Variants in CSTPP1 observed in about 807,000 individuals in gnomAD.
CSTPP1 encodes UPF0705 protein C11orf49.
At chr11:46,936,800 C>G in the CSTPP1 span, 19 of 1,610,510 alleles carry the variant, frequency 1.2e-5, no homozygotes, top group South Asian at 2.0e-4. Context: ...CCACCCCGGT[C>G]AAAGGATGCT....
chr11:47,089,329 A>G, the CSTPP1 span, among the ~76,000 whole-genome samples: 1 of 152,092 alleles, frequency 6.6e-6, no homozygotes, highest in Non-Finnish European at 1.5e-5. Flanking sequence ...GTATATATAT[A>G]TTTATATATG....
the CSTPP1 span, among the ~76,000 whole-genome samples, chr11:47,011,096 G>A: frequency 1.3e-5 from 2 of 152,110 alleles, no homozygotes; most frequent in Non-Finnish European, 2.9e-5. Context: ...TTTTTAAGTG[G>A]TGAGAGAAGT....
the CSTPP1 span, among the ~76,000 whole-genome samples, chr11:46,944,709 G>A: frequency 6.6e-6 from 1 of 152,076 alleles, no homozygotes; most frequent in Admixed American, 6.5e-5. Context: ...CCTAAAGGAG[G>A]GATAATAATT....
the CSTPP1 span, among the ~76,000 whole-genome samples, chr11:47,080,221 C>T: frequency 2.8e-4 from 42 of 151,982 alleles, no homozygotes; most frequent in African/African-American, 9.6e-4. Flanking sequence ...TTGGGGAGGC[C>T]GAGGCAGGCG....
the CSTPP1 span, chr11:47,052,382 T>C: frequency 6.8e-6 from 11 of 1,609,752 alleles, no homozygotes; most frequent in South Asian, 4.5e-5. Context: ...ACTTTTCTCT[T>C]TGCAGTTTTA....
chr11:46,997,938 G>T, the CSTPP1 span, among the ~76,000 whole-genome samples: 2 of 152,290 alleles, frequency 1.3e-5, no homozygotes, highest in South Asian at 4.1e-4. Context: ...TCTCAGAGGG[G>T]CACCCAGCCG....
At chr11:47,057,403 C>T in the CSTPP1 span, among the ~76,000 whole-genome samples, 1 of 151,996 alleles carries the variant, frequency 6.6e-6, no homozygotes, top group Admixed American at 6.6e-5. Context: ...CACATACATA[C>T]ATATATATAT....
chr11:47,007,321 A>G, the CSTPP1 span, among the ~76,000 whole-genome samples: 2 of 152,096 alleles, frequency 1.3e-5, no homozygotes, highest in African/African-American at 2.4e-5. Context: ...ATGAGCCACC[A>G]TGCCCAGCCC....
the CSTPP1 span, among the ~76,000 whole-genome samples, chr11:47,132,684 C>G: frequency 1.3e-5 from 2 of 152,148 alleles, no homozygotes; most frequent in African/African-American, 2.4e-5. Context: ...GCCCAACTAC[C>G]CTGTGCTGTT....
At chr11:46,987,296 G>T in the CSTPP1 span, 6 of 1,613,800 alleles carry the variant, frequency 3.7e-6, no homozygotes, top group African/African-American at 8.0e-5. Context: ...GAATTGCCAG[G>T]TTCTTCACTG....
At chr11:47,017,654 T>C in the CSTPP1 span, among the ~76,000 whole-genome samples, 2 of 148,042 alleles carry the variant, frequency 1.4e-5, no homozygotes, top group South Asian at 2.2e-4. Context: ...CATGGACTTA[T>C]ACAATATATA....
At chr11:47,107,243 G>T in the CSTPP1 span, among the ~76,000 whole-genome samples, 1 of 152,168 alleles carries the variant, frequency 6.6e-6, no homozygotes, top group Non-Finnish European at 1.5e-5. Flanking sequence ...CAAAGGCTCT[G>T]GATGGTATTA....
chr11:47,155,074 T>C, the CSTPP1 span: 632 of 943,024 alleles, frequency 6.7e-4, 4 homozygotes, highest in African/African-American at 7.8e-3. Context: ...GCTCTCTCTC[T>C]CCCTCTCCCC....
chr11:47,019,499 AT>A, the CSTPP1 span, among the ~76,000 whole-genome samples: 1 of 152,190 alleles, frequency 6.6e-6, no homozygotes, highest in African/African-American at 2.4e-5. Context: ...CTTAGAGGCC[AT>A]TGTAGGGTTA....
At chr11:46,963,078 C>T in the CSTPP1 span, among the ~76,000 whole-genome samples, 89,239 of 152,028 alleles carry the variant, frequency 0.59, 30,162 homozygotes, top group Non-Finnish European at 0.76. Flanking sequence ...GATCATTTTA[C>T]GTCATCCTTT....
At chr11:47,113,603 A>G in the CSTPP1 span, among the ~76,000 whole-genome samples, 1 of 152,252 alleles carries the variant, frequency 6.6e-6, no homozygotes, top group Non-Finnish European at 1.5e-5. Context: ...ATGACCAGTG[A>G]TGATGAGCAT....
chr11:46,989,813 G>A, the CSTPP1 span, among the ~76,000 whole-genome samples: 1 of 150,924 alleles, frequency 6.6e-6, no homozygotes, highest in Non-Finnish European at 1.5e-5. Context: ...CTCCCCTCTA[G>A]CAGTCCACAG....
chr11:47,059,660 A>G, the CSTPP1 span, among the ~76,000 whole-genome samples: 1 of 152,232 alleles, frequency 6.6e-6, no homozygotes, highest in South Asian at 2.1e-4. Flanking sequence ...TATTTAACAC[A>G]TAATAAGGAA....
the CSTPP1 span, among the ~76,000 whole-genome samples, chr11:47,082,832 A>G: frequency 1.3e-5 from 2 of 152,118 alleles, no homozygotes; most frequent in South Asian, 4.1e-4. Flanking sequence ...ATCATACAAT[A>G]TATGGGCTTC....
Sources: gnomAD v4.1 joint callset for allele counts (sites outside exome capture counted in the v4.1 genomes callset) on GRCh38, gnomAD v4.1.1 for gene constraint, MANE v1.5 for transcripts, NCBI Gene and HGNC (gene_info 2026-07-23, HGNC 2026-07-21) for gene names.